The following DDC variants were observed in gnomAD, a reference collection of about 807,000 sequenced individuals.
DDC encodes aromatic-L-amino-acid decarboxylase.
A neutral mutation model predicts 60.0 loss-of-function variants in DDC; 43 were observed. The ratio of observed to expected loss-of-function variants is 0.72; its 90% CI spans 0.56 to 0.92. The LOEUF is 0.92. Ranked by LOEUF, DDC falls within the 40% of genes least tolerant of loss-of-function variation. The pLI, the probability that DDC is intolerant of heterozygous loss-of-function variation, is 0.00. For missense variants in DDC, 573 were observed against 620.2 expected, an observed-to-expected ratio of 0.92 and a Z score of 0.81; for synonymous variants, 232 against 234.6, an observed-to-expected ratio of 0.99 and a Z score of 0.10.
chr7:50,526,929 T>C (rs1178380639), intron 6 of DDC, among the ~76,000 whole-genome samples: 1 of 152,202 alleles, frequency 6.6e-6, no homozygotes, highest in African/African-American at 2.4e-5. Context: ...CAATTCTAAA[T>C]GTGTATGCAC....
intron 12 of DDC, 127 bp from the exon 13 acceptor site, chr7:50,467,442 T>G: frequency 1.3e-6 from 1 of 777,698 alleles, no homozygotes; most frequent in Middle Eastern, 2.4e-4. Context: ...TTTCCTCAAG[T>G]GCTTTTACCG....
chr7:50,471,729 A>C (rs2042537443), intron 11 of DDC, among the ~76,000 whole-genome samples: 1 of 152,146 alleles, frequency 6.6e-6, no homozygotes, highest in Non-Finnish European at 1.5e-5. Context: ...ACCTGCACAC[A>C]CAGTTGTCTG....
intron 6 of DDC, among the ~76,000 whole-genome samples, chr7:50,516,427 G>A (rs184502335): frequency 3.0e-4 from 45 of 152,104 alleles, no homozygotes; most frequent in African/African-American, 1.0e-3. Context: ...ACAGCAAAGG[G>A]GATGCTAAGA....
chr7:50,520,872 T>A (rs1406146523), intron 6 of DDC, among the ~76,000 whole-genome samples: 3 of 151,540 alleles, frequency 2.0e-5, no homozygotes, highest in Non-Finnish European at 2.9e-5. Flanking sequence ...CATTCCAGCC[T>A]AGGCAACAGA....
chr7:50,545,893 G>A (rs1029515312), intron 1 of DDC, among the ~76,000 whole-genome samples: 5 of 152,086 alleles, frequency 3.3e-5, no homozygotes, highest in African/African-American at 9.7e-5. Flanking sequence ...CATAAGGCAC[G>A]TCTTGTGCAT....
intron 6 of DDC, among the ~76,000 whole-genome samples, chr7:50,523,395 T>A (rs932885427): frequency 6.6e-5 from 10 of 152,144 alleles, no homozygotes; most frequent in Admixed American, 1.3e-4. Context: ...AGCTAAAGAC[T>A]GGCAGAAAAC....
chr7:50,505,548 G>A (rs1472583865), intron 6 of DDC, among the ~76,000 whole-genome samples: 1 of 152,204 alleles, frequency 6.6e-6, no homozygotes, highest in Non-Finnish European at 1.5e-5. Context: ...TTTCACCTAT[G>A]ACTGCCTCGC....
intron 4 of DDC, among the ~76,000 whole-genome samples, chr7:50,532,798 A>T (rs1167482608): frequency 1.3e-5 from 2 of 152,332 alleles, no homozygotes; most frequent in East Asian, 3.9e-4. Context: ...AAAAAATTGA[A>T]TATGAAATTG....
rs561069897 is a variant in DDC, at chr7:50,539,957, C to T, written c.273G>A (p.Ala91=). ...AGCCAATGGCCCCGCACAGCATGTC[C>T]GCAAGCATGGCCGGGTACGAGCTGG... ...PTASSYPAML[A]DMLCGAIGCI... is the part of the protein sequence containing the mutation. Residue 91 remains alanine (A), a synonymous_variant, in exon 3 of 15, where the codon GCG becomes GCA. Transcript: ENST00000444124. The T allele has an allele frequency of 4.0e-5, 65 of 1,614,016 alleles. No individual in the cohort carries two copies. In the East Asian group the frequency reaches 6.9e-4, roughly 17 times the overall value.
intron 4 of DDC, among the ~76,000 whole-genome samples, chr7:50,535,206 G>T (rs2044359789): frequency 6.6e-6 from 1 of 151,824 alleles, no homozygotes; most frequent in Non-Finnish European, 1.5e-5. Context: ...AACCAGGCTG[G>T]AGTGCAATGG....
chr7:50,519,141 A>G (rs1236619091), intron 6 of DDC, among the ~76,000 whole-genome samples: 3 of 148,538 alleles, frequency 2.0e-5, no homozygotes, highest in Admixed American at 2.0e-4. Context: ...TATAAAAAAA[A>G]TGCTCAACAT....
chr7:50,555,036 C>T (rs1203072921), intron 1 of DDC, among the ~76,000 whole-genome samples: 1 of 152,182 alleles, frequency 6.6e-6, no homozygotes, highest in African/African-American at 2.4e-5. Flanking sequence ...ATATGATGCA[C>T]TCCCATCCCT....
chr7:50,491,830 C>T (rs989201944), intron 9 of DDC, among the ~76,000 whole-genome samples: 1 of 152,184 alleles, frequency 6.6e-6, no homozygotes, highest in South Asian at 2.1e-4. Context: ...TCCCCTCCAG[C>T]TTGCCCTCCC....
Position 50,557,722 on chromosome 7 carries a change from T to C in DDC, c.-29+7563A>G, listed in dbSNP as rs190454752. ...GTCATGAGTAGATGCCACCCCACCA[T>C]CACCATATAGGTCGCACCTATTGGG... On this transcript the variant is annotated intron_variant, in intron 1 of 14. Coordinates refer to ENST00000444124, the MANE Select transcript of DDC (RefSeq NM_001082971.2). Among the ~76,000 whole-genome samples the C allele has an allele frequency of 2.9e-4, 44 of 152,316 alleles. 1 individual carries two copies. Among genetic ancestry groups the C allele is most frequent in the Admixed American group, 2.6e-3 (40 of 15,302 alleles).
intron 14 of DDC, among the ~76,000 whole-genome samples, chr7:50,459,197 G>C (rs967569088): frequency 3.3e-5 from 5 of 152,254 alleles, no homozygotes; most frequent in African/African-American, 4.8e-5. Flanking sequence ...AACTGCGAGT[G>C]ATCCGCCAGC....
At chr7:50,532,544 C>T (rs753431597) in intron 4 of DDC, among the ~76,000 whole-genome samples, 10 of 152,164 alleles carry the variant, frequency 6.6e-5, no homozygotes, top group Non-Finnish European at 1.3e-4. Flanking sequence ...TATGCATGTT[C>T]TACTAACTTT....
chr7:50,471,649 G>A, intron 11 of DDC, among the ~76,000 whole-genome samples: 1 of 152,114 alleles, frequency 6.6e-6, no homozygotes, highest in East Asian at 1.9e-4. Context: ...CACTTTCTTG[G>A]AGCAAAAGCA....
chr7:50,539,859 A>C (rs999988329), intron 3 of DDC, 56 bp downstream of exon 3: 47 of 1,375,028 alleles, frequency 3.4e-5, no homozygotes, highest in Admixed American at 1.2e-4. Context: ...CCGTGTCCCC[A>C]CCCCGGGATC....
chr7:50,538,668 C>G (rs912324565), intron 3 of DDC, among the ~76,000 whole-genome samples: 1 of 152,210 alleles, frequency 6.6e-6, no homozygotes, highest in Non-Finnish European at 1.5e-5. Context: ...GATGAGGTAT[C>G]AGGCAACGCA....
Sources: gnomAD v4.1 joint callset for allele counts (sites outside exome capture counted in the v4.1 genomes callset) on GRCh38, gnomAD v4.1.1 for gene constraint, MANE v1.5 for transcripts, NCBI Gene and HGNC (gene_info 2026-07-23, HGNC 2026-07-21) for gene names.